Variants in DCHS2 observed in about 807,000 individuals in gnomAD.
DCHS2 encodes dachsous cadherin-related 2.
DCHS2 carries 142 observed loss-of-function variants against 182.4 expected under a neutral mutation model. That is an observed-to-expected ratio of 0.78 (90% CI 0.68 to 0.89). The LOEUF (loss-of-function observed/expected upper bound fraction) is 0.89. Among genes scored for constraint, DCHS2 ranks in the 40% least tolerant of loss-of-function variants. The pLI is 0.00. For synonymous variants in DCHS2, 1,740 were observed against 1,663.3 expected (o/e 1.05, Z -1.12); for missense variants, 4,319 against 4,198.6 (o/e 1.03, Z -0.79).
intron 1 of DCHS2, among the ~76,000 whole-genome samples, chr4:154,402,641 A>C (rs567818846): frequency 6.6e-6 from 1 of 152,334 alleles, no homozygotes; most frequent in South Asian, 2.1e-4. Context: ...CCCATCTTAC[A>C]TGGCAGCAGG....
intron 15 of DCHS2, among the ~76,000 whole-genome samples, chr4:154,258,082 ATGATAAAGAC>A (rs1732787636): frequency 6.6e-6 from 1 of 152,188 alleles, no homozygotes; most frequent in Admixed American, 6.5e-5. Flanking sequence ...CTGGGCAGGG[ATGATAAAGAC>A]TGGAAAAGTG....
intron 16 of DCHS2, among the ~76,000 whole-genome samples, chr4:154,253,378 A>G (rs1732483388): frequency 6.6e-6 from 1 of 152,196 alleles, no homozygotes; most frequent in African/African-American, 2.4e-5. Flanking sequence ...GCAAATAGGA[A>G]AAAGTTGAAA....
At chr4:154,411,528 C>A (rs1478546055) in intron 1 of DCHS2, among the ~76,000 whole-genome samples, 1 of 151,746 alleles carries the variant, frequency 6.6e-6, no homozygotes, top group Non-Finnish European at 1.5e-5. Flanking sequence ...ACCTGGGAGG[C>A]AGAGGTTGCA....
chr4:154,372,997 T>A (rs1561074145), intron 2 of DCHS2, among the ~76,000 whole-genome samples: 1 of 152,200 alleles, frequency 6.6e-6, no homozygotes, highest in African/African-American at 2.4e-5. Flanking sequence ...TCTAAAGGGC[T>A]TTCAGGACAT....
intron 7 of DCHS2, 45 bp from the exon 8 acceptor site, chr4:154,322,533 C>T: frequency 6.5e-7 from 1 of 1,536,808 alleles, no homozygotes; most frequent in Non-Finnish European, 8.7e-7. Context: ...ATTGACAATG[C>T]AGAAAACAGA....
chr4:154,478,695 A>G (rs1005235827), intron 1 of DCHS2, among the ~76,000 whole-genome samples: 6 of 152,186 alleles, frequency 3.9e-5, no homozygotes, highest in African/African-American at 1.4e-4. Context: ...AACTATGCCC[A>G]AATTTCTGAC....
chr4:154,380,578 T>C (rs1042160946), intron 1 of DCHS2, among the ~76,000 whole-genome samples: 2 of 152,166 alleles, frequency 1.3e-5, no homozygotes, highest in African/African-American at 4.8e-5. Flanking sequence ...TAATAAGTGA[T>C]TCAGCTTATA....
chr4:154,321,532 T>G (rs1413414477), intron 8 of DCHS2, among the ~76,000 whole-genome samples: 1 of 152,186 alleles, frequency 6.6e-6, no homozygotes, highest in Non-Finnish European at 1.5e-5. Context: ...TCAATGGGAA[T>G]GCAGGGTAGC....
intron 13 of DCHS2, among the ~76,000 whole-genome samples, chr4:154,292,537 C>A (rs1383643163): frequency 6.6e-6 from 1 of 152,160 alleles, no homozygotes; most frequent in Non-Finnish European, 1.5e-5. Context: ...TATTCTTGGC[C>A]CAAATCCTAA....
intron 3 of DCHS2, among the ~76,000 whole-genome samples, chr4:154,346,730 A>T (rs984809857): frequency 5.3e-5 from 8 of 151,890 alleles, no homozygotes; most frequent in African/African-American, 1.9e-4. Flanking sequence ...AAACTATCTT[A>T]TGTTCAAAAA....
intron 1 of DCHS2, among the ~76,000 whole-genome samples, chr4:154,435,682 T>C (rs1430202687): frequency 6.6e-6 from 1 of 152,006 alleles, no homozygotes. Flanking sequence ...AGGGTACAGA[T>C]TTTATATCCT....
Position 154,295,045 on chromosome 4 carries a change from CAA to C in DCHS2, c.6463+2804_6463+2805del, listed in dbSNP as rs201104561. On this transcript the variant is annotated intron_variant, in intron 13 of 19. Coordinates refer to ENST00000357232, the MANE Select transcript of DCHS2 (RefSeq NM_001358235.2). ...CAATCACAGCTCACCAAATAAATAA[CAA>C]AACTGTCATGGTGTATATATCAGTC... Among the ~76,000 whole-genome samples the C allele has an allele frequency of 3.3e-5, 5 of 152,284 alleles. No individual in the cohort carries two copies. In the East Asian group the frequency reaches 7.7e-4, roughly 24 times the overall value.
chr4:154,445,036 C>T (rs1173771925), intron 1 of DCHS2, among the ~76,000 whole-genome samples: 1 of 152,196 alleles, frequency 6.6e-6, no homozygotes, highest in Non-Finnish European at 1.5e-5. Context: ...CCTCTTTAGA[C>T]AGGCCTTCCT....
intron 2 of DCHS2, among the ~76,000 whole-genome samples, chr4:154,375,754 A>G (rs184854838): frequency 2.5e-4 from 38 of 152,302 alleles, no homozygotes; most frequent in Admixed American, 8.5e-4. Context: ...TCCTTTGTAT[A>G]TACTCAAGAG....
chr4:154,349,312 G>T (rs547425017), intron 3 of DCHS2, among the ~76,000 whole-genome samples: 1 of 152,122 alleles, frequency 6.6e-6, no homozygotes, highest in Admixed American at 6.5e-5. Flanking sequence ...TCATTTGGGG[G>T]TTTGGCTATT....
chr4:154,326,352 T>G (rs1471759971), intron 7 of DCHS2, among the ~76,000 whole-genome samples: 1 of 152,224 alleles, frequency 6.6e-6, no homozygotes, highest in Non-Finnish European at 1.5e-5. Flanking sequence ...AATTTTGTAT[T>G]GGTTACTGGA....
intron 5 of DCHS2, 38 bp from the exon 6 acceptor site, chr4:154,329,748 G>A: frequency 6.4e-7 from 1 of 1,563,422 alleles, no homozygotes; most frequent in South Asian, 1.2e-5. Flanking sequence ...CAGGCACTGT[G>A]TACCAGGCGC....
chr4:154,317,609 T>G (rs1239387881), intron 9 of DCHS2, among the ~76,000 whole-genome samples: 2 of 152,210 alleles, frequency 1.3e-5, no homozygotes, highest in Admixed American at 1.3e-4. Context: ...TTTTCATTCA[T>G]GTAGAAATAA....
chr4:154,404,897 A>G (rs1165063002), intron 1 of DCHS2, among the ~76,000 whole-genome samples: 1 of 152,134 alleles, frequency 6.6e-6, no homozygotes, highest in Non-Finnish European at 1.5e-5. Context: ...CTGCTACATA[A>G]TGTGTTTCCC....
Sources: gnomAD v4.1 joint callset for allele counts (sites outside exome capture counted in the v4.1 genomes callset) on GRCh38, gnomAD v4.1.1 for gene constraint, MANE v1.5 for transcripts, NCBI Gene and HGNC (gene_info 2026-07-23, HGNC 2026-07-21) for gene names.